TVP23B: variants seen among roughly 807,000 people sequenced by gnomAD.
The protein encoded by TVP23B is trans-golgi network vesicle protein 23 homolog B, also known as Golgi apparatus membrane protein TVP23 homolog B.
A neutral mutation model predicts 30.6 loss-of-function variants in TVP23B; 10 were observed. The observed-to-expected ratio is 0.33, with a 90% CI of 0.20 to 0.55. The LOEUF is 0.55. Among genes scored for constraint, TVP23B ranks in the 20% least tolerant of loss-of-function variants. TVP23B has a pLI of 0.91. For synonymous variants in TVP23B, 67 were observed against 83.1 expected (o/e 0.81, Z 1.06); for missense variants, 153 against 243.2 (o/e 0.63, Z 2.47).
chr17:18,805,624 T>C lies in TVP23B; in HGVS notation c.*57T>C. ...GGGAACAACTGAAGAGATTCTTGAC[T>C]CAACCTTTTAGAGCTTAGTCCATGT... On this transcript the variant is annotated 3_prime_UTR_variant, in exon 7 of 7. Coordinates refer to ENST00000307767, the MANE Select transcript of TVP23B (RefSeq NM_016078.6). The C allele has an allele frequency of 6.3e-7, 1 of 1,582,212 alleles. No homozygotes were observed. Among genetic ancestry groups the C allele is most frequent in the African/African-American group, 1.4e-5 (1 of 72,816 alleles).
chr17:18,805,158 G>A (rs1379876661), intron 6 of TVP23B, among the ~76,000 whole-genome samples: 2 of 146,590 alleles, frequency 1.4e-5, no homozygotes, highest in Non-Finnish European at 1.5e-5. Flanking sequence ...GCGCGATCTC[G>A]GCTTACTGCA....
chr17:18,799,448 CATG>C (rs2036124629), intron 5 of TVP23B, among the ~76,000 whole-genome samples: 1 of 152,064 alleles, frequency 6.6e-6, no homozygotes. Context: ...ATGGTGGCCT[CATG>C]GTGGTGGGAC....
At chr17:18,788,163 CA>C (rs930692075) in intron 1 of TVP23B, among the ~76,000 whole-genome samples, 1 of 150,120 alleles carries the variant, frequency 6.7e-6, no homozygotes, top group Non-Finnish European at 1.5e-5. Flanking sequence ...CCTGTCTCTA[CA>C]AAAAAAAATA....
chr17:18,785,898 C>T (rs570054403), intron 1 of TVP23B, among the ~76,000 whole-genome samples: 17 of 151,702 alleles, frequency 1.1e-4, no homozygotes, highest in Admixed American at 9.2e-4. Flanking sequence ...GTTGCTACTG[C>T]GGCAGTGAAG....
At position 18,786,652 on chromosome 17, in the gene TVP23B, G is replaced by T. The variant is rs183881490; in HGVS notation, c.13-2701G>T. On this transcript the variant is annotated intron_variant, in intron 1 of 6. Transcript: ENST00000307767. Reference sequence around the variant, plus strand: ...TGGACCCAAGTATCAGCCTTTTTTTGTTTGTTTGTTTGTTTTTTAAGAAAA... The same window carrying T: ...TGGACCCAAGTATCAGCCTTTTTTTTTTTGTTTGTTTGTTTTTTAAGAAAA... 8.3e-3 allele frequency among the ~76,000 whole-genome samples: 1,269 copies of T among 152,058 alleles called. 18 individuals are homozygous for T. Among genetic ancestry groups the T allele is most frequent in the African/African-American group, 0.029 (1,196 of 41,466 alleles).
At chr17:18,784,701 T>C (rs1373397475) in intron 1 of TVP23B, among the ~76,000 whole-genome samples, 1 of 152,220 alleles carries the variant, frequency 6.6e-6, no homozygotes, top group East Asian at 1.9e-4. Context: ...ATCTTACTTA[T>C]GAGCAGCATT....
intron 1 of TVP23B, among the ~76,000 whole-genome samples, chr17:18,787,539 A>G (rs1368132203): frequency 6.6e-6 from 1 of 152,152 alleles, no homozygotes; most frequent in Admixed American, 6.5e-5. Flanking sequence ...CTGTGGGAAC[A>G]TGGGGATTTC....
At chr17:18,783,120 T>C (rs1487506179) in intron 1 of TVP23B, among the ~76,000 whole-genome samples, 4 of 143,676 alleles carry the variant, frequency 2.8e-5, no homozygotes, top group Admixed American at 7.2e-5. Flanking sequence ...TTCATTCATT[T>C]ATGAGACGGA....
At chr17:18,791,530 C>T (rs1445861027) in intron 3 of TVP23B, among the ~76,000 whole-genome samples, 1 of 152,052 alleles carries the variant, frequency 6.6e-6, no homozygotes, top group East Asian at 1.9e-4. Context: ...AAGCTTGCCA[C>T]CCACTGAATA....
chr17:18,803,239 C>T (rs1229827132), intron 5 of TVP23B, among the ~76,000 whole-genome samples: 8 of 151,948 alleles, frequency 5.3e-5, no homozygotes, highest in Non-Finnish European at 7.4e-5. Flanking sequence ...AAATCCAGCC[C>T]GACACCTGTT....
At chr17:18,800,592 G>A in intron 5 of TVP23B, among the ~76,000 whole-genome samples, 1 of 151,378 alleles carries the variant, frequency 6.6e-6, no homozygotes, top group Non-Finnish European at 1.5e-5. Flanking sequence ...AGAAGTCTGA[G>A]GCCAGGCTTA....
intron 1 of TVP23B, among the ~76,000 whole-genome samples, chr17:18,784,787 T>G (rs1447038265): frequency 6.6e-6 from 1 of 152,248 alleles, no homozygotes; most frequent in Non-Finnish European, 1.5e-5. Flanking sequence ...TGGCTCACCT[T>G]ATGTTCCTTG....
At chr17:18,783,464 A>G (rs937020946) in intron 1 of TVP23B, among the ~76,000 whole-genome samples, 6 of 152,228 alleles carry the variant, frequency 3.9e-5, no homozygotes, top group Admixed American at 1.3e-4. Flanking sequence ...TAGTGCTGCC[A>G]GGCGGTCATT....
In TVP23B at chr17:18,804,225, A is replaced by G. The variant is rs559635536; in HGVS notation, c.550A>G (p.Ser184Gly). Residue 184 changes from serine to glycine, a missense_variant, in exon 6 of 7, where the codon AGC (serine) becomes GGC (glycine). By Grantham distance (56) the Ser-to-Gly change is moderately conservative. Around this residue, in one of 3 missense-constraint regions of TVP23B, gnomAD observed 62 missense variants for 74.3 expected, o/e 0.83. Transcript: ENST00000307767. Reference sequence around the variant, plus strand: ...GGTGCGCAGCAGAAAGCATTTAACCAGCATGGCTACTTCATATTTTGGAAA... The same window carrying G: ...GGTGCGCAGCAGAAAGCATTTAACCGGCATGGCTACTTCATATTTTGGAAA... ...CKVRSRKHLT[S>G]MATSYFGKQF... The G allele has an allele frequency of 8.1e-6, 13 of 1,609,670 alleles. No homozygotes were observed. The African/African-American group carries it at 1.6e-4, about 20-fold the overall frequency.
intron 1 of TVP23B, among the ~76,000 whole-genome samples, chr17:18,786,484 C>T (rs1029127726): frequency 2.6e-5 from 4 of 151,234 alleles, no homozygotes; most frequent in African/African-American, 9.8e-5. Context: ...AAAAAGTCTC[C>T]CTGGCCGCTG....
intron 3 of TVP23B, 43 bp from the exon 4 acceptor site, chr17:18,797,536 A>G: frequency 8.7e-6 from 14 of 1,612,916 alleles, no homozygotes; most frequent in Non-Finnish European, 1.2e-5. Flanking sequence ...AGATCTTTAA[A>G]TAATGCTTTT....
At chr17:18,796,395 T>G (rs767818814) in intron 3 of TVP23B, 5 of 152,104 alleles carry the variant, frequency 3.3e-5, no homozygotes, top group Non-Finnish European at 7.4e-5. Flanking sequence ...AATACAAAAT[T>G]AGCTGGGCAT....
In TVP23B at chr17:18,781,257, A is replaced by T; in HGVS notation, c.-37A>T. Reference sequence around the variant, plus strand: ...CCCGGACCCGTACGCTGCTGCGCTGACGTGGCTCCCGGAAGTAGGGCTGGC... The same window carrying T: ...CCCGGACCCGTACGCTGCTGCGCTGTCGTGGCTCCCGGAAGTAGGGCTGGC... On this transcript the variant is annotated 5_prime_UTR_variant, in exon 1 of 7. Coordinates refer to ENST00000307767, the MANE Select transcript of TVP23B (RefSeq NM_016078.6). 2 of 1,562,022 alleles carry T rather than the reference A, an allele frequency of 1.3e-6. No homozygotes were observed. The highest frequency in any genetic ancestry group is 1.7e-6 in the Non-Finnish European group (2 of 1,153,972).
chr17:18,792,778 G>A (rs564858599), intron 3 of TVP23B, among the ~76,000 whole-genome samples: 3 of 152,242 alleles, frequency 2.0e-5, no homozygotes, highest in African/African-American at 4.8e-5. Context: ...AGATAGCAAA[G>A]CAATGGAGAT....
Sources: gnomAD v4.1 joint callset for allele counts (sites outside exome capture counted in the v4.1 genomes callset) on GRCh38, gnomAD v4.1.1 for gene constraint, gnomAD v4.1.1 regional missense constraint, MANE v1.5 for transcripts, NCBI Gene and HGNC (gene_info 2026-07-23, HGNC 2026-07-21) for gene names.